RGS6: variants seen among roughly 807,000 people sequenced by gnomAD.
RGS6 encodes regulator of G protein signaling 6.
In RGS6, 30 loss-of-function variants were observed where a neutral mutation model predicts 78.5. That is an observed-to-expected ratio of 0.38 (90% CI 0.29 to 0.52). The LOEUF (loss-of-function observed/expected upper bound fraction) is 0.52, where lower values mean the gene tolerates loss of function less well. Ranked by LOEUF, RGS6 falls within the 20% of genes least tolerant of loss-of-function variation. RGS6 has a pLI of 0.85. For synonymous variants in RGS6, 206 were observed against 206.0 expected, an observed-to-expected ratio of 1.00 and a Z score of 0.00; for missense variants, 495 against 609.7, an observed-to-expected ratio of 0.81 and a Z score of 1.98.
At chr14:71,870,519 AAG>A in the RGS6 span, among the ~76,000 whole-genome samples, 1 of 152,194 alleles carries the variant, frequency 6.6e-6, no homozygotes, top group Non-Finnish European at 1.5e-5. Context: ...ATCCAGAGCT[AAG>A]AGGGTTTTAG....
intron 2 of RGS6, among the ~76,000 whole-genome samples, chr14:72,068,389 C>A (rs994975414): frequency 6.6e-6 from 1 of 151,952 alleles, no homozygotes; most frequent in African/African-American, 2.4e-5. Flanking sequence ...TCCACCTCAG[C>A]CCCCCAAAGT....
intron 17 of RGS6, chr14:72,541,735 T>G: frequency 8.7e-7 from 1 of 1,144,436 alleles, no homozygotes; most frequent in Non-Finnish European, 1.2e-6. Flanking sequence ...AGCAGAGCCT[T>G]GACAGCCCCC....
At chr14:72,536,438 G>A (rs2097252359) in intron 16 of RGS6, among the ~76,000 whole-genome samples, 163 bp downstream of exon 16, 2 of 152,016 alleles carry the variant, frequency 1.3e-5, no homozygotes, top group Non-Finnish European at 2.9e-5. Context: ...AGTTAGGATT[G>A]TCACCACCCC....
chr14:72,387,738 GTAT>G (rs1464245712), intron 3 of RGS6, among the ~76,000 whole-genome samples: 3 of 152,190 alleles, frequency 2.0e-5, no homozygotes, highest in Admixed American at 6.5e-5. Flanking sequence ...CAGAGATGGA[GTAT>G]TAGTTTGCCA....
chr14:71,890,949 G>GA, the RGS6 span, among the ~76,000 whole-genome samples: 1 of 152,114 alleles, frequency 6.6e-6, no homozygotes. Context: ...GGACTTCTGG[G>GA]AAAATGAAAT....
chr14:72,224,635 A>G (rs1456213577), intron 2 of RGS6, among the ~76,000 whole-genome samples: 3 of 152,146 alleles, frequency 2.0e-5, no homozygotes, highest in Non-Finnish European at 2.9e-5. Flanking sequence ...TTGTGCACCA[A>G]TAACTCATAA....
chr14:71,979,814 C>G (rs1355007050), intron 2 of RGS6, among the ~76,000 whole-genome samples: 1 of 151,792 alleles, frequency 6.6e-6, no homozygotes, highest in Non-Finnish European at 1.5e-5. Flanking sequence ...CCTGGGTATC[C>G]TTGTGGACTT....
chr14:72,253,204 C>T (rs1175241422), intron 2 of RGS6, among the ~76,000 whole-genome samples: 1 of 152,246 alleles, frequency 6.6e-6, no homozygotes, highest in African/African-American at 2.4e-5. Flanking sequence ...CAGCCATGCT[C>T]TTCTCTCTGC....
chr14:72,536,183 C>T lies in RGS6; in HGVS notation c.1279-3C>T, dbSNP rs1300763399. 11 of 1,611,874 alleles carry T rather than the reference C, an allele frequency of 6.8e-6. No individual in the cohort carries two copies. The highest frequency in any genetic ancestry group is 2.2e-5 in the South Asian group (2 of 91,004). On this transcript the variant is annotated splice_region_variant and splice_polypyrimidine_tract_variant and intron_variant, in intron 15 of 17. Coordinates refer to ENST00000553525, the MANE Select transcript of RGS6 (RefSeq NM_001204424.2). The stretch of plus-strand genomic sequence containing the variant: ...TGTGTCTCCTTGTCACCTTCCTCCC[C>T]AGGAGCACATCTACAAGCTGATGAA...
At chr14:72,536,404 T>A in intron 16 of RGS6, 129 bp downstream of exon 16, 1 of 696,818 alleles carries the variant, frequency 1.4e-6, no homozygotes, top group Non-Finnish European at 2.5e-6. Context: ...CCCTTCTCTA[T>A]CTGCTCCCAT....
intron 2 of RGS6, among the ~76,000 whole-genome samples, chr14:72,332,894 G>A (rs1301214524): frequency 6.6e-6 from 1 of 152,196 alleles, no homozygotes; most frequent in Non-Finnish European, 1.5e-5. Flanking sequence ...GATTTTAGAA[G>A]CCACTGGAAT....
At chr14:72,122,740 G>GGTTTTTTTT (rs776587742) in intron 2 of RGS6, among the ~76,000 whole-genome samples, 1 of 132,312 alleles carries the variant, frequency 7.6e-6, no homozygotes, top group Non-Finnish European at 1.6e-5. Context: ...CTAAGTTATC[G>GGTTTTTTTT]TTTTTTTTTT....
At chr14:71,970,311 A>G (rs548384312) in intron 2 of RGS6, among the ~76,000 whole-genome samples, 1 of 152,168 alleles carries the variant, frequency 6.6e-6, no homozygotes, top group Non-Finnish European at 1.5e-5. Context: ...GGCTTCCTTC[A>G]CCTATTCATT....
chr14:72,431,957 G>A (rs1238922730), intron 3 of RGS6, among the ~76,000 whole-genome samples: 1 of 152,170 alleles, frequency 6.6e-6, no homozygotes, highest in Non-Finnish European at 1.5e-5. Context: ...GAATTTAGGG[G>A]ATATTGGTCA....
At chr14:72,186,459 T>TG (rs1200361948) in intron 2 of RGS6, among the ~76,000 whole-genome samples, 6 of 152,342 alleles carry the variant, frequency 3.9e-5, no homozygotes, top group African/African-American at 1.4e-4. Context: ...TTGCCTCCTT[T>TG]GGGAGGGGAG....
chr14:72,388,493 G>C (rs1335058926), intron 3 of RGS6, among the ~76,000 whole-genome samples: 2 of 152,188 alleles, frequency 1.3e-5, no homozygotes, highest in Non-Finnish European at 2.9e-5. Flanking sequence ...CTGAACTTCT[G>C]TTTCGAGTCC....
At chr14:72,362,469 G>T (rs948831048) in intron 3 of RGS6, among the ~76,000 whole-genome samples, 1 of 152,184 alleles carries the variant, frequency 6.6e-6, no homozygotes, top group Non-Finnish European at 1.5e-5. Flanking sequence ...CAGCCATGAG[G>T]CCATAGTCAT....
intron 3 of RGS6, among the ~76,000 whole-genome samples, chr14:72,446,555 G>A (rs1405941752): frequency 1.3e-5 from 2 of 152,218 alleles, no homozygotes; most frequent in African/African-American, 2.4e-5. Flanking sequence ...CAGTTTCATG[G>A]AAGACAGTTT....
intron 17 of RGS6, among the ~76,000 whole-genome samples, chr14:72,542,899 C>T (rs548392716): frequency 6.6e-6 from 1 of 151,560 alleles, no homozygotes; most frequent in East Asian, 1.9e-4. Context: ...CCTAAGGAGA[C>T]ATTTAATATG....
Sources: allele counts gnomAD v4.1 joint callset (sites outside exome capture counted in the v4.1 genomes callset), GRCh38; gene constraint gnomAD v4.1.1; transcripts MANE v1.5; gene names NCBI Gene and HGNC (gene_info 2026-07-23, HGNC 2026-07-21).